The following SMYD3 variants were observed in gnomAD, a reference collection of about 807,000 sequenced individuals.
SMYD3 encodes the protein SET and MYND domain containing 3.
Under a neutral mutation model 57.7 loss-of-function variants are expected in SMYD3, and 36 were observed. The observed-to-expected ratio is 0.62, with a 90% CI of 0.48 to 0.82. The LOEUF is 0.82. Among genes scored for constraint, SMYD3 ranks in the 40% least tolerant of loss-of-function variants. The pLI, the probability that SMYD3 is intolerant of heterozygous loss-of-function variation, is 0.00. For missense variants in SMYD3, 515 were observed against 538.8 expected (o/e 0.96, Z 0.44); for synonymous variants, 211 against 195.0 (o/e 1.08, Z -0.68).
intron 5 of SMYD3, among the ~76,000 whole-genome samples, chr1:246,027,367 C>T (rs1436960450): frequency 6.6e-6 from 1 of 152,170 alleles, no homozygotes; most frequent in East Asian, 1.9e-4. Flanking sequence ...CTAAGACTTC[C>T]ATAACTAGAG....
At chr1:245,999,877 T>TAA (rs1259173813) in intron 5 of SMYD3, among the ~76,000 whole-genome samples, 1 of 152,336 alleles carries the variant, frequency 6.6e-6, no homozygotes, top group African/African-American at 2.4e-5. Flanking sequence ...CTCAATGACT[T>TAA]ACTTTGCTTA....
intron 10 of SMYD3, among the ~76,000 whole-genome samples, chr1:245,822,037 C>T (rs566639486): frequency 2.0e-5 from 3 of 152,236 alleles, no homozygotes; most frequent in East Asian, 3.9e-4. Context: ...CCCAGTCATG[C>T]CATTACTGGG....
chr1:246,176,022 T>C (rs2062428541), intron 5 of SMYD3, among the ~76,000 whole-genome samples: 1 of 152,194 alleles, frequency 6.6e-6, no homozygotes, highest in Admixed American at 6.5e-5. Context: ...AGATATTTAT[T>C]CAAAAGCAGA....
intron 10 of SMYD3, among the ~76,000 whole-genome samples, chr1:245,837,382 G>A (rs12038930): frequency 0.12 from 18,673 of 152,036 alleles, 1,285 homozygotes; most frequent in South Asian, 0.21. Flanking sequence ...GAAAGTCCTC[G>A]GTGGCAAGCC....
intron 10 of SMYD3, among the ~76,000 whole-genome samples, chr1:245,766,263 C>T (rs1232787249): frequency 2.0e-5 from 3 of 151,754 alleles, no homozygotes; most frequent in South Asian, 2.1e-4. Context: ...TTTAGCTGGA[C>T]GTGGTGGCAG....
At chr1:245,892,225 A>C (rs958821378) in intron 8 of SMYD3, among the ~76,000 whole-genome samples, 8 of 152,140 alleles carry the variant, frequency 5.3e-5, no homozygotes, top group African/African-American at 1.4e-4. Context: ...TCAGCAAATG[A>C]TGGGAACTGA....
chr1:246,177,347 C>T (rs1488671361), intron 5 of SMYD3, among the ~76,000 whole-genome samples: 1 of 152,138 alleles, frequency 6.6e-6, no homozygotes, highest in Non-Finnish European at 1.5e-5. Context: ...AAAACAAAAA[C>T]CTTTAACAAC....
chr1:245,762,953 A>G (rs2045917770), intron 11 of SMYD3, among the ~76,000 whole-genome samples: 1 of 151,980 alleles, frequency 6.6e-6, no homozygotes, highest in Non-Finnish European at 1.5e-5. Context: ...CATACAACCC[A>G]CCAGTGCCTG....
intron 5 of SMYD3, among the ~76,000 whole-genome samples, chr1:246,261,173 C>T (rs1026490078): frequency 3.9e-5 from 6 of 152,128 alleles, no homozygotes; most frequent in African/African-American, 1.4e-4. Context: ...ATTCTCCGGC[C>T]TCAGCCTCCC....
At chr1:246,216,302 C>A (rs10924561) in intron 5 of SMYD3, among the ~76,000 whole-genome samples, 24 of 146,230 alleles carry the variant, frequency 1.6e-4, no homozygotes, top group Non-Finnish European at 2.1e-4. Context: ...AAAAAAAAAA[C>A]TCATAAGCAG....
chr1:246,018,004 T>A (rs58200344), intron 5 of SMYD3, among the ~76,000 whole-genome samples: 5,089 of 152,196 alleles, frequency 0.033, 283 homozygotes, highest in African/African-American at 0.12. Flanking sequence ...TACTTCTCTG[T>A]CCCAGCCCTG....
At chr1:246,361,871 A>C (rs2065993492) in intron 1 of SMYD3, among the ~76,000 whole-genome samples, 1 of 152,148 alleles carries the variant, frequency 6.6e-6, no homozygotes, top group South Asian at 2.1e-4. Context: ...TGGATACACC[A>C]AAATCTCAGA....
intron 7 of SMYD3, among the ~76,000 whole-genome samples, chr1:245,916,588 C>A (rs1378590875): frequency 6.6e-6 from 1 of 152,156 alleles, no homozygotes; most frequent in African/African-American, 2.4e-5. Flanking sequence ...ACTTGCCATC[C>A]AATCCACCAG....
intron 5 of SMYD3, among the ~76,000 whole-genome samples, chr1:246,019,902 G>A (rs2059441281): frequency 6.6e-6 from 1 of 152,168 alleles, no homozygotes; most frequent in South Asian, 2.1e-4. Flanking sequence ...TAGCAGCATG[G>A]CATGAAGCAA....
chr1:245,893,756 T>TTGC (rs1467783987), intron 8 of SMYD3, among the ~76,000 whole-genome samples: 1 of 14,800 alleles, frequency 6.8e-5, no homozygotes, highest in African/African-American at 2.6e-4. Flanking sequence ...CTTCTCTATC[T>TTGC]TGATGGTGGT....
At chr1:246,248,635 C>CTTGTTTTTT (rs1558348050) in intron 5 of SMYD3, among the ~76,000 whole-genome samples, 1 of 68,336 alleles carries the variant, frequency 1.5e-5, no homozygotes, top group African/African-American at 6.5e-5. Flanking sequence ...CTCTGACTTT[C>CTTGTTTTTT]CTTTTTTTTT....
chr1:246,496,688 C>T lies in SMYD3; in HGVS notation c.164+10366G>A, dbSNP rs1001328875. 3.9e-5 allele frequency among the ~76,000 whole-genome samples: 6 copies of T among 152,070 alleles called. No individual in the cohort carries two copies. In the East Asian group the frequency reaches 1.2e-3, roughly 30 times the overall value. ...ACAAAAAATATAAAAATTAGCCGGG[C>T]ATGGTGGTGCATGCCTGTGGTCCCA... On this transcript the variant is annotated intron_variant, in intron 1 of 11. Transcript: ENST00000490107.
intron 5 of SMYD3, among the ~76,000 whole-genome samples, chr1:246,114,023 G>C (rs1035374878): frequency 2.6e-5 from 4 of 152,146 alleles, no homozygotes; most frequent in Non-Finnish European, 4.4e-5. Flanking sequence ...GATATTTCTT[G>C]GGGAGGCTGT....
At chr1:246,306,536 T>A (rs2064982177) in intron 5 of SMYD3, among the ~76,000 whole-genome samples, 1 of 152,344 alleles carries the variant, frequency 6.6e-6, no homozygotes, top group African/African-American at 2.4e-5. Context: ...GGCTTTTCAA[T>A]GGATAGTCAC....
Sources: allele counts gnomAD v4.1 joint callset (sites outside exome capture counted in the v4.1 genomes callset), GRCh38; gene constraint gnomAD v4.1.1; transcripts MANE v1.5; gene names NCBI Gene and HGNC (gene_info 2026-07-23, HGNC 2026-07-21).